LY86: variants seen among roughly 807,000 people sequenced by gnomAD.
The protein encoded by LY86 is MD-1, RP105-associated.
Under a neutral mutation model 17.3 loss-of-function variants are expected in LY86, and 20 were observed. The observed-to-expected ratio is 1.15, with a 90% CI of 0.81 to 1.68. The LOEUF (loss-of-function observed/expected upper bound fraction) is 1.68. LY86 is among the 40% of genes most tolerant of loss of function. LY86 has a pLI of 0.00. For synonymous variants in LY86, 74 were observed against 70.6 expected (o/e 1.05, Z -0.24); for missense variants, 200 against 191.9 (o/e 1.04, Z -0.25).
intron 1 of LY86, among the ~76,000 whole-genome samples, chr6:6,609,488 A>G (rs1041441006): frequency 6.6e-6 from 1 of 152,070 alleles, no homozygotes; most frequent in African/African-American, 2.4e-5. Flanking sequence ...CTTATTCTCT[A>G]TGCACTTCCT....
In LY86 at chr6:6,644,903, T is replaced by TA. The variant is rs199890442; in HGVS notation, c.353-4713dup. ...AATTTTAGGTGTTGTTTTATCAGGTTAAAAAAAAAGACAATTTCATGAGTT... is the reference window on the plus strand; with the variant it reads ...AATTTTAGGTGTTGTTTTATCAGGTTAAAAAAAAAAGACAATTTCATGAGTT... On this transcript the variant is annotated intron_variant, in intron 3 of 4. Coordinates refer to ENST00000230568, the MANE Select transcript of LY86 (RefSeq NM_004271.4). Among the ~76,000 whole-genome samples, 794 of 150,890 alleles carry TA rather than the reference T, an allele frequency of 5.3e-3. 15 individuals carry two copies. The highest frequency in any genetic ancestry group is 0.018 in the African/African-American group (757 of 41,094).
rs142599769 is a variant in LY86 at position 6,620,358 on chromosome 6, A to G, written c.137-4568A>G. On this transcript the variant is annotated intron_variant, in intron 1 of 4. Coordinates refer to ENST00000230568, the MANE Select transcript of LY86 (RefSeq NM_004271.4). ...AATATAAAGCTAAAGAAAAACCTCA[A>G]GTAGAGCTAGAATATGGAAAATGGG... Among the ~76,000 whole-genome samples, 260 of 152,370 alleles carry G rather than the reference A, an allele frequency of 1.7e-3. 1 individual carries two copies. Among genetic ancestry groups the G allele is most frequent in the African/African-American group, 6.1e-3 (255 of 41,582 alleles).
chr6:6,642,738 G>A (rs1042263542), intron 3 of LY86, among the ~76,000 whole-genome samples: 1 of 152,242 alleles, frequency 6.6e-6, no homozygotes, highest in African/African-American at 2.4e-5. Flanking sequence ...AGAGGGGATG[G>A]GATGAGAAGC....
Position 6,640,408 on chromosome 6 carries a change from TA to T in LY86, c.353-9207del, listed in dbSNP as rs112988578. 2.9e-3 allele frequency among the ~76,000 whole-genome samples: 418 copies of T among 145,792 alleles called. 5 individuals carry two copies. Among genetic ancestry groups the T allele is most frequent in the African/African-American group, 9.9e-3 (394 of 39,676 alleles). On this transcript the variant is annotated intron_variant, in intron 3 of 4. Coordinates refer to ENST00000230568, the MANE Select transcript of LY86 (RefSeq NM_004271.4). ...CCCCATCTCTGGAAAAAAATAAAAA[TA>T]AAAAAAAAAGGCAGGAGGGGGCAGG... is the stretch of plus-strand genomic sequence containing the variant.
Position 6,649,613 on chromosome 6 carries a change from A to G in LY86, c.353-12A>G. The G allele has an allele frequency of 6.6e-7, 1 of 1,507,772 alleles. No homozygotes were observed. Among genetic ancestry groups the G allele is most frequent in the Non-Finnish European group, 9.1e-7 (1 of 1,094,430 alleles). 93.4% of individuals were successfully genotyped at this position (1,507,772 alleles called of 1,614,324 possible). ...TTGAATAACATCATCTATGCTTTATATATTTTTTCAGAGCAGATTTACTAT... is the reference window on the plus strand; with the variant it reads ...TTGAATAACATCATCTATGCTTTATGTATTTTTTCAGAGCAGATTTACTAT... On this transcript the variant is annotated splice_polypyrimidine_tract_variant and intron_variant, in intron 3 of 4. Transcript: ENST00000230568.
At chr6:6,641,718 G>T (rs1404874751) in intron 3 of LY86, among the ~76,000 whole-genome samples, 2 of 151,848 alleles carry the variant, frequency 1.3e-5, no homozygotes, top group East Asian at 1.9e-4. Flanking sequence ...CTCATCCATG[G>T]TCTTGGTATA....
intron 3 of LY86, among the ~76,000 whole-genome samples, chr6:6,635,968 T>C (rs536616365): frequency 6.6e-6 from 1 of 152,346 alleles, no homozygotes; most frequent in African/African-American, 2.4e-5. Context: ...GTGCTGCCGC[T>C]GGAGAGCAGA....
intron 3 of LY86, among the ~76,000 whole-genome samples, chr6:6,646,667 T>C (rs1000375877): frequency 1.3e-5 from 2 of 152,112 alleles, no homozygotes; most frequent in Admixed American, 1.3e-4. Flanking sequence ...TCAACTCACT[T>C]CCCCACTGTT....
At chr6:6,603,256 CACAA>C (rs1347615070) in intron 1 of LY86, among the ~76,000 whole-genome samples, 3 of 152,052 alleles carry the variant, frequency 2.0e-5, no homozygotes, top group South Asian at 2.1e-4. Context: ...TCTGGGAGGA[CACAA>C]ACATTCATAC....
chr6:6,594,616 C>G (rs558909612), intron 1 of LY86, among the ~76,000 whole-genome samples: 1 of 152,270 alleles, frequency 6.6e-6, no homozygotes, highest in East Asian at 1.9e-4. Context: ...AGTTCCAGGC[C>G]TTCCAGATGA....
Position 6,626,420 on chromosome 6 carries a change from A to T in LY86, c.351A>T (p.Gly117=). ...PKFSFCGRRK[G]EQIYYAGPVN... ...TTTCTTTCTGTGGAAGAAGGAAAGG[A>T]GGTAAGCCATCTGTCTTGCTCACTG... The change falls in exon 3 of 5, where the codon GGA becomes GGT. Residue 117 remains glycine (G), a splice_region_variant and synonymous_variant. Transcript: ENST00000230568. 1 of 1,613,668 alleles carries T rather than the reference A, an allele frequency of 6.2e-7. No individual in the cohort carries two copies. Among genetic ancestry groups the T allele is most frequent in the Non-Finnish European group, 8.5e-7 (1 of 1,179,948 alleles).
chr6:6,609,110 A>G (rs1761269494), intron 1 of LY86, among the ~76,000 whole-genome samples: 1 of 152,138 alleles, frequency 6.6e-6, no homozygotes, highest in Admixed American at 6.5e-5. Flanking sequence ...ATCCACCTGT[A>G]AGAGCTTGTA....
intron 3 of LY86, among the ~76,000 whole-genome samples, chr6:6,647,016 AC>A (rs1304797340): frequency 1.3e-5 from 2 of 152,152 alleles, no homozygotes; most frequent in Admixed American, 6.5e-5. Context: ...TCCTTTTGCT[AC>A]TCAACACAAC....
At chr6:6,619,323 A>G (rs1761622089) in intron 1 of LY86, among the ~76,000 whole-genome samples, 1 of 152,242 alleles carries the variant, frequency 6.6e-6, no homozygotes, top group South Asian at 2.1e-4. Flanking sequence ...ATCTGCTACT[A>G]TTTGGCCCGG....
intron 1 of LY86, among the ~76,000 whole-genome samples, chr6:6,607,447 T>C (rs928535996): frequency 2.0e-5 from 3 of 152,054 alleles, no homozygotes; most frequent in Admixed American, 6.6e-5. Flanking sequence ...AAGTACTACC[T>C]GACTAGAAAT....
chr6:6,646,976 C>T (rs984185985), intron 3 of LY86, among the ~76,000 whole-genome samples: 8 of 140,792 alleles, frequency 5.7e-5, no homozygotes, highest in Non-Finnish European at 1.1e-4. Flanking sequence ...AAGTAGATTT[C>T]TTCCCCACTG....
At chr6:6,647,965 A>C (rs973582026) in intron 3 of LY86, among the ~76,000 whole-genome samples, 1 of 110,474 alleles carries the variant, frequency 9.1e-6, no homozygotes, top group African/African-American at 4.0e-5. Context: ...TTCAATCATC[A>C]CATACACACA....
intron 1 of LY86, among the ~76,000 whole-genome samples, chr6:6,604,051 T>C (rs970339220): frequency 2.0e-5 from 3 of 152,150 alleles, no homozygotes; most frequent in Non-Finnish European, 2.9e-5. Context: ...TTCAAAAAAA[T>C]CTTAAGCCTA....
intron 1 of LY86, among the ~76,000 whole-genome samples, chr6:6,607,562 C>T (rs910697804): frequency 2.0e-5 from 3 of 151,966 alleles, no homozygotes; most frequent in Non-Finnish European, 2.9e-5. Context: ...GGAGGAAAGG[C>T]ATAAAGAAAG....
Sources: gnomAD v4.1 joint callset for allele counts (sites outside exome capture counted in the v4.1 genomes callset) on GRCh38, gnomAD v4.1.1 for gene constraint, MANE v1.5 for transcripts, NCBI Gene and HGNC (gene_info 2026-07-23, HGNC 2026-07-21) for gene names.